Variants in USO1 observed in about 807,000 individuals in gnomAD.
The protein encoded by USO1 is USO1 vesicle transport factor, also known as general vesicular transport factor p115.
Under a neutral mutation model 124.5 loss-of-function variants are expected in USO1, and 57 were observed. That is an observed-to-expected ratio of 0.46 (90% CI 0.37 to 0.57). The LOEUF (loss-of-function observed/expected upper bound fraction) is 0.57. Ranked by LOEUF, USO1 falls within the 20% of genes least tolerant of loss-of-function variation. The pLI is 0.00. For synonymous variants in USO1, 369 were observed against 362.8 expected (o/e 1.02, Z -0.19); for missense variants, 900 against 1,040.6 (o/e 0.86, Z 1.86).
rs750817699 is a variant in USO1 at position 75,800,668 on chromosome 4, T to C, written c.1733T>C (p.Ile578Thr). The change falls in exon 16 of 24, where the codon ATA becomes ACA. Residue 578 changes from isoleucine to threonine, a missense_variant. Coordinates refer to ENST00000514213, the MANE Select transcript of USO1 (RefSeq NM_003715.4). ...IEKRIGKENF[I>T]EKLGFISKHE... is the part of the protein sequence containing the mutation. ...AAGAGGATTGGCAAAGAGAATTTCA[T>C]AGAGAAACTAGGATTTATTAGCAAA... The C allele has an allele frequency of 1.6e-5, 25 of 1,595,338 alleles. No homozygotes were observed. In the Admixed American group the frequency reaches 4.5e-4, roughly 29 times the overall value.
At chr4:75,783,710 T>A (rs571164025) in intron 9 of USO1, among the ~76,000 whole-genome samples, 2 of 152,126 alleles carry the variant, frequency 1.3e-5, no homozygotes, top group African/African-American at 4.8e-5. Context: ...GACTGATAAT[T>A]AGGGTAATCT....
intron 12 of USO1, among the ~76,000 whole-genome samples, chr4:75,792,653 C>T (rs1409378864): frequency 1.3e-5 from 2 of 152,022 alleles, no homozygotes; most frequent in Non-Finnish European, 2.9e-5. Flanking sequence ...ACTGAAATTG[C>T]ACCACTGCAC....
chr4:75,790,015 T>C (rs1431173630), intron 10 of USO1, 135 bp from the exon 11 acceptor site: 24 of 980,868 alleles, frequency 2.4e-5, no homozygotes, highest in Non-Finnish European at 3.0e-5. Flanking sequence ...ACCTGCACAA[T>C]GTGCACATGT....
intron 10 of USO1, among the ~76,000 whole-genome samples, chr4:75,788,628 C>T (rs776419902): frequency 1.1e-3 from 168 of 150,816 alleles, no homozygotes; most frequent in African/African-American, 3.9e-3. Flanking sequence ...CTGCAACCTC[C>T]GCTTCCTGGG....
chr4:75,785,930 T>A (rs944735422), intron 9 of USO1, among the ~76,000 whole-genome samples: 3 of 152,132 alleles, frequency 2.0e-5, no homozygotes, highest in Non-Finnish European at 4.4e-5. Context: ...ACTAGAAAAG[T>A]CCAAGGACAG....
intron 1 of USO1, among the ~76,000 whole-genome samples, chr4:75,735,677 C>G (rs1377980915): frequency 6.6e-6 from 1 of 152,052 alleles, no homozygotes; most frequent in Non-Finnish European, 1.5e-5. Flanking sequence ...CAAGGCACCA[C>G]GCTTGGCTGA....
intron 1 of USO1, among the ~76,000 whole-genome samples, chr4:75,743,744 A>G (rs1184605879): frequency 1.3e-5 from 2 of 152,158 alleles, no homozygotes; most frequent in African/African-American, 4.8e-5. Flanking sequence ...ATAAAATACA[A>G]TAAAAATCAA....
chr4:75,788,041 G>A (rs1722411974), intron 10 of USO1, among the ~76,000 whole-genome samples: 1 of 151,702 alleles, frequency 6.6e-6, no homozygotes, highest in African/African-American at 2.4e-5. Context: ...TCCAATCTGT[G>A]CTCTAATTCT....
intron 1 of USO1, among the ~76,000 whole-genome samples, chr4:75,742,181 G>A (rs539540869): frequency 1.9e-4 from 29 of 152,252 alleles, no homozygotes; most frequent in African/African-American, 5.8e-4. Context: ...ACATAAACAA[G>A]TAACAGTCAT....
intron 8 of USO1, 46 bp from the exon 9 acceptor site, chr4:75,782,634 C>A (rs1316223120): frequency 2.7e-6 from 4 of 1,502,886 alleles, no homozygotes; most frequent in Non-Finnish European, 3.5e-6. Flanking sequence ...AGTTTTGCGT[C>A]AGGTTTTACG....
At chr4:75,800,836 GTAAT>G (rs756316572) in intron 16 of USO1, 37 bp downstream of exon 16, 4 of 1,581,958 alleles carry the variant, frequency 2.5e-6, no homozygotes, top group African/African-American at 2.7e-5. Context: ...TTGATGGAAA[GTAAT>G]TATATTTATA....
chr4:75,736,238 A>G (rs921667599), intron 1 of USO1, among the ~76,000 whole-genome samples: 7 of 146,680 alleles, frequency 4.8e-5, no homozygotes, highest in African/African-American at 1.5e-4. Flanking sequence ...ATACAAATAT[A>G]TATTTGTATT....
Position 75,808,948 on chromosome 4 carries a change from C to G in USO1, c.2377-5C>G. 4.4e-6 allele frequency: 7 copies of G among 1,589,090 alleles called. No individual in the cohort carries two copies. The highest frequency in any genetic ancestry group is 6.0e-6 in the Non-Finnish European group (7 of 1,168,274). On this transcript the variant is annotated splice_polypyrimidine_tract_variant and splice_region_variant and intron_variant, in intron 20 of 23. Transcript: ENST00000514213. ...TGTTATGACTCAACTATTTTTGTCT[C>G]TTAGGAACTGGCAACTTTAAAGTCT... is the stretch of plus-strand genomic sequence containing the variant.
chr4:75,790,117 C>G, intron 10 of USO1, 33 bp from the exon 11 acceptor site: 2 of 1,500,416 alleles, frequency 1.3e-6, no homozygotes, highest in Admixed American at 2.3e-5. Flanking sequence ...CTTAATTTCT[C>G]TAAATGTTCT....
intron 1 of USO1, among the ~76,000 whole-genome samples, chr4:75,744,272 G>A (rs1721058277): frequency 6.6e-6 from 1 of 152,150 alleles, no homozygotes; most frequent in Non-Finnish European, 1.5e-5. Flanking sequence ...ACCAGCCTCA[G>A]GGTTACCACA....
At chr4:75,738,698 C>T (rs1720865935) in intron 1 of USO1, among the ~76,000 whole-genome samples, 1 of 151,876 alleles carries the variant, frequency 6.6e-6, no homozygotes, top group African/African-American at 2.4e-5. Context: ...CCAGGCTGTT[C>T]TTGAACTCCT....
At position 75,724,663 on chromosome 4, in the gene USO1, G is replaced by A; in HGVS notation, c.-157G>A. 2.9e-6 allele frequency: 2 copies of A among 678,760 alleles called. No homozygotes were observed. Among genetic ancestry groups the A allele is most frequent in the East Asian group, 6.1e-5 (2 of 32,658 alleles). The allele number at this position is 678,760 out of a possible 1,614,324, so 42.0% of individuals were successfully genotyped here. A position where few individuals can be genotyped will look rare whatever the true frequency, so the allele number is the denominator to read the frequency against. On this transcript the variant is annotated 5_prime_UTR_variant, in exon 1 of 24. Coordinates refer to ENST00000514213, the MANE Select transcript of USO1 (RefSeq NM_003715.4). Reference sequence around the variant, plus strand: ...GGCCGCTGCTGGCGGCTGTTTCCGGGCTTAGAGGGCTGGAGTGGCCGCCGA... The same window carrying A: ...GGCCGCTGCTGGCGGCTGTTTCCGGACTTAGAGGGCTGGAGTGGCCGCCGA...
intron 9 of USO1, among the ~76,000 whole-genome samples, chr4:75,783,296 C>A (rs1722274427): frequency 6.6e-6 from 1 of 152,098 alleles, no homozygotes; most frequent in Admixed American, 6.5e-5. Context: ...GCACTGGATG[C>A]TAGGAAATAA....
chr4:75,742,785 T>C (rs1413779979), intron 1 of USO1, among the ~76,000 whole-genome samples: 1 of 152,210 alleles, frequency 6.6e-6, no homozygotes, highest in Non-Finnish European at 1.5e-5. Context: ...ATCTAAATGT[T>C]TTACATCCTT....
Sources: gnomAD v4.1 joint callset for allele counts (sites outside exome capture counted in the v4.1 genomes callset) on GRCh38, gnomAD v4.1.1 for gene constraint, MANE v1.5 for transcripts, NCBI Gene and HGNC (gene_info 2026-07-23, HGNC 2026-07-21) for gene names.